The following SAMD12 variants were observed in gnomAD, a reference collection of about 807,000 sequenced individuals.
SAMD12 encodes the protein sterile alpha motif domain containing 12.
In SAMD12, 9 loss-of-function variants were observed where a neutral mutation model predicts 15.0. That is an observed-to-expected ratio of 0.60 (90% CI 0.36 to 1.05). SAMD12 has a LOEUF of 1.05. Among genes scored for constraint, SAMD12 ranks in the 50% least tolerant of loss-of-function variants. The pLI is 0.01. For missense variants in SAMD12, 230 were observed against 234.2 expected, an observed-to-expected ratio of 0.98 and a Z score of 0.12; for synonymous variants, 86 against 90.1, an observed-to-expected ratio of 0.96 and a Z score of 0.25.
chr8:118,232,758 C>A (rs868646235), intron 4 of SAMD12, among the ~76,000 whole-genome samples: 26 of 152,222 alleles, frequency 1.7e-4, no homozygotes, highest in African/African-American at 6.0e-4. Flanking sequence ...TTCAGTTATT[C>A]TTGACCTGAG....
At chr8:118,560,893 G>C (rs1174617540) in intron 2 of SAMD12, among the ~76,000 whole-genome samples, 1 of 152,128 alleles carries the variant, frequency 6.6e-6, no homozygotes, top group East Asian at 1.9e-4. Flanking sequence ...GAAAGAGACA[G>C]TTAATGAGCA....
rs191472120 is a variant in SAMD12 at position 118,303,147 on chromosome 8, C to A, written c.433+76413G>T. ...CATTTGTGTATCATCCCCTTCAACA[C>A]AGGAAAGCAAGAGAAGGATATGTGT... On this transcript the variant is annotated intron_variant, in intron 4 of 4. Transcript: ENST00000409003. 1.6e-3 allele frequency among the ~76,000 whole-genome samples: 251 copies of A among 152,318 alleles called. 2 individuals are homozygous for A. Among genetic ancestry groups the A allele is most frequent in the African/African-American group, 5.9e-3 (245 of 41,562 alleles).
chr8:118,439,360 G>A (rs1822665419), intron 3 of SAMD12, among the ~76,000 whole-genome samples: 1 of 152,120 alleles, frequency 6.6e-6, no homozygotes, highest in Admixed American at 6.6e-5. Flanking sequence ...CAGGAAAACC[G>A]ACTTTCCACC....
the SAMD12 span, among the ~76,000 whole-genome samples, chr8:118,166,275 C>T: frequency 6.6e-6 from 1 of 152,168 alleles, no homozygotes; most frequent in Non-Finnish European, 1.5e-5. Context: ...TTCATTTGTA[C>T]AGAATACTTT....
intron 2 of SAMD12, among the ~76,000 whole-genome samples, chr8:118,512,292 A>G (rs1303604753): frequency 6.6e-6 from 1 of 152,216 alleles, no homozygotes; most frequent in African/African-American, 2.4e-5. Flanking sequence ...GCAAAGAAAG[A>G]CAAAACAGAC....
chr8:118,421,259 A>G (rs369634190), intron 3 of SAMD12, among the ~76,000 whole-genome samples: 8 of 152,322 alleles, frequency 5.3e-5, no homozygotes, highest in Non-Finnish European at 1.0e-4. Flanking sequence ...CTCAATAAAT[A>G]TTATGCTCCT....
intron 2 of SAMD12, among the ~76,000 whole-genome samples, chr8:118,467,056 G>A (rs1175412449): frequency 6.6e-6 from 1 of 152,114 alleles, no homozygotes; most frequent in Non-Finnish European, 1.5e-5. Context: ...TCACAAAAGA[G>A]GATAACAGGC....
chr8:118,133,043 G>A, the SAMD12 span, among the ~76,000 whole-genome samples: 1 of 122,764 alleles, frequency 8.1e-6, no homozygotes, highest in Non-Finnish European at 1.6e-5. Flanking sequence ...TACTTAATAT[G>A]AGTCAAACAT....
At chr8:118,587,552 T>C (rs1827484331) in intron 1 of SAMD12, among the ~76,000 whole-genome samples, 4 of 152,202 alleles carry the variant, frequency 2.6e-5, no homozygotes, top group Admixed American at 2.0e-4. Flanking sequence ...AAGCAGAAGT[T>C]TGATGGGAAA....
chr8:118,556,567 TTA>T (rs770748487), intron 2 of SAMD12, among the ~76,000 whole-genome samples: 2 of 152,206 alleles, frequency 1.3e-5, no homozygotes, highest in Non-Finnish European at 2.9e-5. Context: ...TCAATATAAT[TTA>T]TATGTTATTT....
intron 4 of SAMD12, among the ~76,000 whole-genome samples, chr8:118,273,668 C>T (rs1813415669): frequency 6.6e-6 from 1 of 152,142 alleles, no homozygotes. Flanking sequence ...GTGAAACAGA[C>T]TGTCAATACA....
chr8:118,543,860 G>A (rs181208734), intron 2 of SAMD12, among the ~76,000 whole-genome samples: 222 of 152,068 alleles, frequency 1.5e-3, no homozygotes, highest in Middle Eastern at 6.8e-3. Context: ...TTCTAGAATG[G>A]TCTTTATATT....
intron 4 of SAMD12, among the ~76,000 whole-genome samples, chr8:118,367,896 G>A (rs1032960914): frequency 1.3e-5 from 2 of 152,180 alleles, no homozygotes; most frequent in African/African-American, 4.8e-5. Context: ...AGAATCATGA[G>A]TCCATGTCAA....
At chr8:118,557,434 G>T (rs959503269) in intron 2 of SAMD12, among the ~76,000 whole-genome samples, 3 of 152,182 alleles carry the variant, frequency 2.0e-5, no homozygotes, top group Admixed American at 1.3e-4. Flanking sequence ...TAATACAGGG[G>T]ACATTTAGGA....
intron 4 of SAMD12, among the ~76,000 whole-genome samples, chr8:118,318,308 GTGTATATATATATATATATA>G (rs1180528202): frequency 1.0e-3 from 58 of 57,524 alleles, no homozygotes; most frequent in African/African-American, 4.9e-3. Flanking sequence ...GGAGATATAT[GTGTATATATATATATATATA>G]TATATATATA....
chr8:118,351,464 T>A (rs917422566), intron 4 of SAMD12, among the ~76,000 whole-genome samples: 1 of 151,982 alleles, frequency 6.6e-6, no homozygotes, highest in Non-Finnish European at 1.5e-5. Flanking sequence ...GGTCCTACAG[T>A]AGGGAGTGGC....
intron 4 of SAMD12, among the ~76,000 whole-genome samples, chr8:118,344,521 T>TGGGA (rs1400173201): frequency 6.6e-6 from 1 of 152,144 alleles, no homozygotes; most frequent in East Asian, 1.9e-4. Flanking sequence ...ACTGCAGAAG[T>TGGGA]GGGATATGAA....
At chr8:118,284,183 A>C (rs721816) in intron 4 of SAMD12, 52,015 of 424,510 alleles carry the variant, frequency 0.12, 5,422 homozygotes, top group East Asian at 0.34. Flanking sequence ...CTTTTTGCCC[A>C]CCTTAATGAT....
At chr8:118,451,947 T>C (rs1382881543) in intron 2 of SAMD12, among the ~76,000 whole-genome samples, 1 of 152,120 alleles carries the variant, frequency 6.6e-6, no homozygotes, top group African/African-American at 2.4e-5. Flanking sequence ...AATTCACATG[T>C]TGAAGCCCTA....
Sources: allele counts gnomAD v4.1 joint callset (sites outside exome capture counted in the v4.1 genomes callset), GRCh38; gene constraint gnomAD v4.1.1; transcripts MANE v1.5; gene names NCBI Gene and HGNC (gene_info 2026-07-23, HGNC 2026-07-21).